Variants in GLIPR1L1 observed in about 807,000 individuals in gnomAD.
The protein encoded by GLIPR1L1 is GLIPR1 like 1.
In GLIPR1L1, 26 loss-of-function variants were observed where a neutral mutation model predicts 29.9. That is an observed-to-expected ratio of 0.87 (90% CI 0.64 to 1.21). The LOEUF is 1.21. Among genes scored for constraint, GLIPR1L1 ranks in the 50% most tolerant of loss-of-function variants. The probability of loss-of-function intolerance (pLI) is 0.00; values close to 1 mark genes in which losing one functional copy is unlikely to be tolerated. For synonymous variants in GLIPR1L1, 77 were observed against 97.5 expected (o/e 0.79, Z 1.24); for missense variants, 305 against 290.3 (o/e 1.05, Z -0.37).
chr12:75,363,574 A>T (rs2043762748), intron 4 of GLIPR1L1, among the ~76,000 whole-genome samples: 1 of 152,206 alleles, frequency 6.6e-6, no homozygotes, highest in Non-Finnish European at 1.5e-5. Flanking sequence ...ATTATGATTT[A>T]AAACTAACAT....
At chr12:75,355,792 C>G (rs1391676772) in intron 3 of GLIPR1L1, among the ~76,000 whole-genome samples, 1 of 152,142 alleles carries the variant, frequency 6.6e-6, no homozygotes, top group African/African-American at 2.4e-5. Flanking sequence ...GAATACTATG[C>G]AGCCATAAAA....
In GLIPR1L1 at chr12:75,370,332, G is replaced by T. The variant is rs2044280167; in HGVS notation, c.*156G>T. 1 of 529,916 alleles carries T rather than the reference G, an allele frequency of 1.9e-6. No homozygotes were observed. Among genetic ancestry groups the T allele is most frequent in the Non-Finnish European group, 3.4e-6 (1 of 297,426 alleles). 32.8% of individuals were successfully genotyped at this position (529,916 alleles called of 1,614,324 possible). ...TTGTTTTTAACTCAAAAAATGTACT[G>T]TAGTATGGAAAATGGATAGCAGTAG... On this transcript the variant is annotated 3_prime_UTR_variant, in exon 6 of 6. Transcript: ENST00000378695.
At chr12:75,335,516 C>A (rs1264218831) in intron 1 of GLIPR1L1, among the ~76,000 whole-genome samples, 19 of 152,100 alleles carry the variant, frequency 1.2e-4, no homozygotes, top group Admixed American at 1.2e-3. Flanking sequence ...ATAAATGCAT[C>A]ACTATGAGCA....
chr12:75,342,511 G>C (rs77185439), intron 1 of GLIPR1L1, among the ~76,000 whole-genome samples: 1,634 of 152,250 alleles, frequency 0.011, 20 homozygotes, highest in African/African-American at 0.032. Context: ...TTGCTTTTGT[G>C]ATGAGTTGTT....
chr12:75,357,068 G>C (rs936022565), intron 3 of GLIPR1L1, among the ~76,000 whole-genome samples: 1 of 152,132 alleles, frequency 6.6e-6, no homozygotes, highest in African/African-American at 2.4e-5. Context: ...GCACATGCCT[G>C]TAGTTCAGTT....
At chr12:75,359,311 A>G (rs1286950485) in intron 3 of GLIPR1L1, among the ~76,000 whole-genome samples, 1 of 138,000 alleles carries the variant, frequency 7.2e-6, no homozygotes, top group African/African-American at 2.8e-5. Flanking sequence ...ATAGCGACAT[A>G]TATGTTGTTC....
chr12:75,366,748 A>G (rs1180788869), intron 4 of GLIPR1L1: 4 of 625,762 alleles, frequency 6.4e-6, no homozygotes, highest in Admixed American at 2.5e-5. Context: ...TGTTTTACCA[A>G]TGAGTCATTT....
intron 3 of GLIPR1L1, among the ~76,000 whole-genome samples, chr12:75,348,639 A>G (rs185421615): frequency 1.3e-5 from 2 of 152,330 alleles, no homozygotes; most frequent in Admixed American, 1.3e-4. Flanking sequence ...GTTAAGCATC[A>G]TACTGCTTTG....
At chr12:75,365,594 G>A (rs1401995147) in intron 4 of GLIPR1L1, among the ~76,000 whole-genome samples, 4 of 152,052 alleles carry the variant, frequency 2.6e-5, no homozygotes, top group Non-Finnish European at 2.9e-5. Context: ...ATGTTGCCCA[G>A]AGAGTTAATG....
intron 3 of GLIPR1L1, among the ~76,000 whole-genome samples, chr12:75,349,813 A>T (rs2042685540): frequency 6.6e-6 from 1 of 152,208 alleles, no homozygotes; most frequent in African/African-American, 2.4e-5. Flanking sequence ...GCAAGACCCT[A>T]TCTCTTTAAA....
At chr12:75,348,751 G>A (rs568598695) in intron 3 of GLIPR1L1, among the ~76,000 whole-genome samples, 187 of 152,316 alleles carry the variant, frequency 1.2e-3, no homozygotes, top group Admixed American at 1.7e-3. Context: ...CCCTGGCCAA[G>A]TGGTAGGGAC....
intron 4 of GLIPR1L1, among the ~76,000 whole-genome samples, chr12:75,368,799 C>G (rs187263787): frequency 6.6e-6 from 1 of 151,894 alleles, no homozygotes; most frequent in East Asian, 1.9e-4. Context: ...AGTAGACATT[C>G]TCTATAAAGC....
In GLIPR1L1 at chr12:75,362,389, T is replaced by A. The variant is rs759459145; in HGVS notation, c.522-713T>A. On this transcript the variant is annotated intron_variant, in intron 3 of 5. Coordinates refer to ENST00000378695, the MANE Select transcript of GLIPR1L1 (RefSeq NM_001304964.2). ...CAATGTGAGGGCCATGGTATTCTCA[T>A]GCACTGTTAGATCTGTGTCCCTATA... Among the ~76,000 whole-genome samples, 106 of 152,316 alleles carry A rather than the reference T, an allele frequency of 7.0e-4. 1 individual carries two copies. The highest frequency in any genetic ancestry group is 3.7e-3 in the South Asian group (18 of 4,826).
chr12:75,355,544 T>G (rs1052399423), intron 3 of GLIPR1L1, among the ~76,000 whole-genome samples: 2 of 152,144 alleles, frequency 1.3e-5, no homozygotes, highest in Non-Finnish European at 2.9e-5. Context: ...TCCACAATAG[T>G]CAAACCATTG....
chr12:75,361,587 T>G (rs1035837316), intron 3 of GLIPR1L1, among the ~76,000 whole-genome samples: 1 of 152,160 alleles, frequency 6.6e-6, no homozygotes, highest in African/African-American at 2.4e-5. Context: ...TGTAATTGAC[T>G]CATGGTTCCA....
intron 3 of GLIPR1L1, among the ~76,000 whole-genome samples, chr12:75,348,022 C>A (rs979551236): frequency 5.3e-5 from 8 of 151,884 alleles, no homozygotes; most frequent in African/African-American, 1.4e-4. Flanking sequence ...TACTGAAACA[C>A]AAAAAGGCTG....
At chr12:75,351,905 C>G (rs2139449308) in intron 3 of GLIPR1L1, among the ~76,000 whole-genome samples, 1 of 152,222 alleles carries the variant, frequency 6.6e-6, no homozygotes, top group Admixed American at 6.5e-5. Context: ...TCCAGCCAAA[C>G]AACATCATAA....
At chr12:75,359,751 A>G (rs2139571269) in intron 3 of GLIPR1L1, 1 of 152,288 alleles carries the variant, frequency 6.6e-6, no homozygotes, top group East Asian at 1.9e-4. Context: ...AAAAAAATTA[A>G]TAAATCATAC....
chr12:75,344,234 G>A (rs1274134789), intron 2 of GLIPR1L1, among the ~76,000 whole-genome samples: 3 of 151,938 alleles, frequency 2.0e-5, no homozygotes, highest in Non-Finnish European at 4.4e-5. Context: ...TCCCTTCCCT[G>A]GAAGTGGGAA....
Sources: gnomAD v4.1 joint callset for allele counts (sites outside exome capture counted in the v4.1 genomes callset) on GRCh38, gnomAD v4.1.1 for gene constraint, MANE v1.5 for transcripts, NCBI Gene and HGNC (gene_info 2026-07-23, HGNC 2026-07-21) for gene names.